The following ZNF385D variants were observed in gnomAD, a reference collection of about 807,000 sequenced individuals.
The protein encoded by ZNF385D is zinc finger protein 385D.
In ZNF385D, 15 loss-of-function variants were observed where a neutral mutation model predicts 35.8. That is an observed-to-expected ratio of 0.42 (90% confidence interval 0.28 to 0.64). The LOEUF (loss-of-function observed/expected upper bound fraction) is 0.64. Among genes scored for constraint, ZNF385D ranks in the 30% least tolerant of loss-of-function variants. The pLI is 0.23. For missense variants in ZNF385D, 474 were observed against 494.6 expected (o/e 0.96, Z 0.39); for synonymous variants, 212 against 186.8 (o/e 1.13, Z -1.10).
rs187943537 is a variant in ZNF385D, at chr3:22,260,712, C to A, written c.107-91677G>T. Among the ~76,000 whole-genome samples the A allele has an allele frequency of 2.4e-3, 369 of 151,934 alleles. 6 individuals are homozygous for A. The highest frequency in any genetic ancestry group is 8.3e-3 in the African/African-American group (346 of 41,500). On this transcript the variant is annotated intron_variant, in intron 2 of 5. Coordinates refer to the ZNF385D transcript ENST00000494108. ...TCCTTTTTACCTAACATAAAAAATA[C>A]CTTCTAATTTACCTAATATAAAAAT...
chr3:21,954,742 G>A (rs1435351180), intron 3 of ZNF385D, among the ~76,000 whole-genome samples: 1 of 151,956 alleles, frequency 6.6e-6, no homozygotes. Context: ...TGTTCCTGTT[G>A]GACTCAAAAC....
intron 3 of ZNF385D, among the ~76,000 whole-genome samples, chr3:21,829,564 C>G (rs1413169085): frequency 6.6e-6 from 1 of 151,884 alleles, no homozygotes; most frequent in Non-Finnish European, 1.5e-5. Flanking sequence ...GAATTTTAAG[C>G]AAGGGGAAGA....
chr3:22,062,364 C>T (rs1699734396), intron 3 of ZNF385D, among the ~76,000 whole-genome samples: 1 of 152,150 alleles, frequency 6.6e-6, no homozygotes, highest in African/African-American at 2.4e-5. Flanking sequence ...CCTGTTGGTA[C>T]ATTTTAAAAT....
rs373533694 is a variant in ZNF385D at position 22,117,177 on chromosome 3, T to C, written c.325+51640A>G. On this transcript the variant is annotated intron_variant, in intron 3 of 5. Coordinates refer to the ZNF385D transcript ENST00000494108. ...GTTAACAAACAGAAAAATCCAGCAA[T>C]ATGGAGCTTATGTAAATATTTTAAA... 2.0e-5 allele frequency among the ~76,000 whole-genome samples: 3 copies of C among 152,124 alleles called. No homozygotes were observed. The East Asian group carries it at 5.8e-4, about 29-fold the overall frequency.
In ZNF385D at chr3:21,684,402, CTCCTCTCTCT is replaced by C. The variant is rs1559516790; in HGVS notation, c.23-19384_23-19375del. Among the ~76,000 whole-genome samples the C allele has an allele frequency of 9.5e-3, 716 of 75,252 alleles. 6 individuals carry two copies. Among genetic ancestry groups the C allele is most frequent in the East Asian group, 0.014 (26 of 1,924 alleles). 49.4% of individuals were successfully genotyped at this position (75,252 alleles called of 152,430 possible). ...TCTCTCTCTCTCTCTCTCTCTCTCT[CTCCTCTCTCT>C]CTCTCTCTCTCTCTCTCTCCTCTCT... On this transcript the variant is annotated intron_variant, in intron 1 of 7. Coordinates refer to ENST00000281523, the MANE Select transcript of ZNF385D (RefSeq NM_024697.3).
intron 3 of ZNF385D, among the ~76,000 whole-genome samples, chr3:21,967,608 T>C (rs987651613): frequency 5.3e-5 from 8 of 152,212 alleles, no homozygotes; most frequent in African/African-American, 1.9e-4. Flanking sequence ...GGTCATTTAC[T>C]GATTTTTGAC....
chr3:22,344,204 G>A (rs2125484380), intron 2 of ZNF385D, among the ~76,000 whole-genome samples: 1 of 151,934 alleles, frequency 6.6e-6, no homozygotes, highest in Non-Finnish European at 1.5e-5. Flanking sequence ...GTGTGTGTGT[G>A]TGAAATTACA....
intron 3 of ZNF385D, among the ~76,000 whole-genome samples, chr3:21,906,570 C>A (rs1345786648): frequency 1.3e-5 from 2 of 152,120 alleles, no homozygotes; most frequent in Non-Finnish European, 2.9e-5. Flanking sequence ...TGTGACCTTG[C>A]CTTCACCCAA....
intron 1 of ZNF385D, among the ~76,000 whole-genome samples, chr3:21,736,960 G>C (rs1415255474): frequency 3.3e-5 from 5 of 151,860 alleles, no homozygotes; most frequent in African/African-American, 4.8e-5. Flanking sequence ...CTTTTTTTGA[G>C]GCGGAGTCTC....
intron 3 of ZNF385D, among the ~76,000 whole-genome samples, chr3:21,963,519 C>G (rs1239158766): frequency 8.5e-5 from 13 of 152,180 alleles, no homozygotes; most frequent in Non-Finnish European, 1.3e-4. Context: ...ATATATAAAA[C>G]TTCTGATCTC....
chr3:21,812,760 C>G (rs1177261176), intron 3 of ZNF385D, among the ~76,000 whole-genome samples: 1 of 152,214 alleles, frequency 6.6e-6, no homozygotes, highest in Admixed American at 6.5e-5. Flanking sequence ...GTAGACTCCA[C>G]CTCTGGGGGC....
At chr3:21,636,364 TTATA>T (rs1230017347) in intron 2 of ZNF385D, among the ~76,000 whole-genome samples, 1 of 113,896 alleles carries the variant, frequency 8.8e-6, no homozygotes, top group East Asian at 2.6e-4. Flanking sequence ...TTATATATGA[TTATA>T]TATATATGAT....
At chr3:21,571,210 C>T (rs1348830345) in intron 2 of ZNF385D, among the ~76,000 whole-genome samples, 1 of 152,148 alleles carries the variant, frequency 6.6e-6, no homozygotes, top group African/African-American at 2.4e-5. Context: ...CCTGCTTTTG[C>T]ACTTCATAAA....
At chr3:21,858,333 A>G (rs1231265542) in intron 3 of ZNF385D, among the ~76,000 whole-genome samples, 3 of 152,006 alleles carry the variant, frequency 2.0e-5, no homozygotes, top group African/African-American at 7.2e-5. Flanking sequence ...AGTTATATGC[A>G]CAGTGGACTC....
chr3:22,227,247 T>C (rs547130744), intron 2 of ZNF385D, among the ~76,000 whole-genome samples: 7 of 152,250 alleles, frequency 4.6e-5, no homozygotes, highest in Admixed American at 3.9e-4. Context: ...TAACCGTTGT[T>C]ACACTCTTTT....
intron 2 of ZNF385D, among the ~76,000 whole-genome samples, chr3:21,567,701 TA>T (rs1308705315): frequency 1.3e-5 from 2 of 152,188 alleles, no homozygotes; most frequent in African/African-American, 4.8e-5. Context: ...TATAACCCAT[TA>T]AGGAATATTG....
chr3:21,646,739 T>A lies in ZNF385D; in HGVS notation c.165+18147A>T, dbSNP rs1352212604. Among the ~76,000 whole-genome samples the A allele has an allele frequency of 6.6e-6, 1 of 152,172 alleles. No individual in the cohort carries two copies. The highest frequency in any genetic ancestry group is 2.4e-5 in the African/African-American group (1 of 41,448). ...GTACAGACCCTTCCAGTTACTTTCC[T>A]TCCTTATATCATCTGGGAATGTATT... On this transcript the variant is annotated intron_variant, in intron 2 of 7. Coordinates refer to ENST00000281523, the MANE Select transcript of ZNF385D (RefSeq NM_024697.3). This position sits in a 1 kb window ranked among gnomAD's most constrained non-coding sequence, Gnocchi z 4.3.
chr3:22,220,385 A>G (rs1441398437), intron 2 of ZNF385D, among the ~76,000 whole-genome samples: 1 of 151,918 alleles, frequency 6.6e-6, no homozygotes, highest in Non-Finnish European at 1.5e-5. Context: ...GTTATCTCTG[A>G]CTCTAATTTC....
intron 1 of ZNF385D, among the ~76,000 whole-genome samples, chr3:21,735,605 G>T (rs2069205265): frequency 6.6e-6 from 1 of 151,964 alleles, no homozygotes; most frequent in East Asian, 1.9e-4. Flanking sequence ...TGAACAGAGG[G>T]GATGTAAATT....
Sources: gnomAD v4.1 joint callset for allele counts (sites outside exome capture counted in the v4.1 genomes callset) on GRCh38, gnomAD v4.1.1 for gene constraint, Gnocchi (gnomAD v3.1) non-coding constraint, MANE v1.5 for transcripts, NCBI Gene and HGNC (gene_info 2026-07-23, HGNC 2026-07-21) for gene names.